The following TAPBPL variants were observed in gnomAD, a reference collection of about 807,000 sequenced individuals.
TAPBPL encodes the protein TAP binding protein like.
In TAPBPL, 32 loss-of-function variants were observed where a neutral mutation model predicts 44.8. That is an observed-to-expected ratio of 0.71 (90% CI 0.54 to 0.96). The LOEUF is 0.96. Among genes scored for constraint, TAPBPL ranks in the 40% least tolerant of loss-of-function variants. TAPBPL has a pLI of 0.00. For synonymous variants in TAPBPL, 230 were observed against 240.7 expected (o/e 0.96, Z 0.41); for missense variants, 520 against 586.6 (o/e 0.89, Z 1.17).
At chr12:6,467,896 T>C (rs993905047), downstream of TAPBPL, among the ~76,000 whole-genome samples, 1 of 152,242 alleles carries the variant, frequency 6.6e-6, no homozygotes, top group Non-Finnish European at 1.5e-5. Context: ...AGCTTCCACA[T>C]GGTGTTGAGC....
At chr12:6,463,306 C>T (rs1283101654), downstream of TAPBPL, 3 of 1,220,052 alleles carry the variant, frequency 2.5e-6, no homozygotes, top group Non-Finnish European at 3.1e-6. The surrounding 1 kb of genome is among the most constrained non-coding windows in gnomAD (Gnocchi z 4.0). Flanking sequence ...ACACCTGACA[C>T]AGGCTGGCAC....
downstream of TAPBPL, chr12:6,463,837 CAAAGT>C (rs1462037843): frequency 3.6e-5 from 44 of 1,232,824 alleles, no homozygotes; most frequent in Admixed American, 8.5e-5. This position sits in a 1 kb window ranked among gnomAD's most constrained non-coding sequence, Gnocchi z 4.0. Flanking sequence ...CTCTGGAGAA[CAAAGT>C]AAAGTTGTAA....
At chr12:6,465,465 T>TAG (rs751399568), downstream of TAPBPL, 8 of 122,624 alleles carry the variant, frequency 6.5e-5, no homozygotes, top group African/African-American at 3.2e-4. Context: ...TGTGTATATA[T>TAG]AGTGTGTGTG....
At position 6,453,251 on chromosome 12, in the gene TAPBPL, G is replaced by A; in HGVS notation, c.249G>A (p.Gly83=). The A allele has an allele frequency of 6.2e-7, 1 of 1,614,042 alleles. No homozygotes were observed. Among genetic ancestry groups the A allele is most frequent in the Non-Finnish European group, 8.5e-7 (1 of 1,179,994 alleles). Residue 83 remains glycine, a synonymous_variant, in exon 2 of 7, where the codon GGG becomes GGA. Coordinates refer to ENST00000266556, the MANE Select transcript of TAPBPL (RefSeq NM_018009.5). This position sits in a 1 kb window ranked among gnomAD's most constrained non-coding sequence, Gnocchi z 4.8. ...GSLEDFTDFQ[G]GTLAQDDPPI... is the part of the protein sequence containing the mutation. ...TGGAGGACTTCACCGATTTCCAAGG[G>A]GGCACACTGGCCCAAGATGACCCAC...
downstream of TAPBPL, chr12:6,465,388 ATATATATATATAAATGTATATATATG>A (rs1320874621): frequency 1.3e-5 from 1 of 75,522 alleles, no homozygotes; most frequent in Non-Finnish European, 2.5e-5. Flanking sequence ...ATATATATGT[ATATATATATATAAATGTATATATATG>A]TATATATATA....
chr12:6,470,258 G>A (rs1252119797), downstream of TAPBPL, among the ~76,000 whole-genome samples: 2 of 151,046 alleles, frequency 1.3e-5, no homozygotes, highest in East Asian at 4.0e-4. Flanking sequence ...ACCAAAACCA[G>A]AATGAGGCGC....
At chr12:6,464,565 T>C, downstream of TAPBPL, 1 of 1,463,890 alleles carries the variant, frequency 6.8e-7, no homozygotes. Flanking sequence ...TACACCAAGT[T>C]ACCAGACATT....
chr12:6,457,151 C>A (rs1308278672), intron 3 of TAPBPL, among the ~76,000 whole-genome samples: 1 of 152,166 alleles, frequency 6.6e-6, no homozygotes, highest in Non-Finnish European at 1.5e-5. Context: ...GTGTATTTTT[C>A]CTGGTGGGAG....
downstream of TAPBPL, chr12:6,470,596 G>C: frequency 6.2e-7 from 1 of 1,606,342 alleles, no homozygotes; most frequent in Non-Finnish European, 8.5e-7. Context: ...CCCGGTGAGG[G>C]ACGCTGCGGC....
At chr12:6,468,278 G>A (rs889630733), downstream of TAPBPL, among the ~76,000 whole-genome samples, 5 of 152,208 alleles carry the variant, frequency 3.3e-5, no homozygotes, top group African/African-American at 1.2e-4. Context: ...TTATATTCAA[G>A]TTATTGGTTA....
chr12:6,469,395 C>T (rs898779492), downstream of TAPBPL, among the ~76,000 whole-genome samples: 2 of 152,338 alleles, frequency 1.3e-5, no homozygotes, highest in Admixed American at 1.3e-4. Context: ...CACGTAGATA[C>T]TATCTGGAAG....
chr12:6,464,506 A>G, downstream of TAPBPL: 1 of 1,492,328 alleles, frequency 6.7e-7, no homozygotes, highest in Non-Finnish European at 8.9e-7. Context: ...GGAATCAGGA[A>G]GTCCCAGACG....
downstream of TAPBPL, chr12:6,465,384 A>ATGTG (rs991256425): frequency 1.3e-5 from 1 of 76,186 alleles, no homozygotes; most frequent in African/African-American, 4.5e-5. Flanking sequence ...ATGTATATAT[A>ATGTG]TGTATATATA....
At chr12:6,460,354 C>T (rs1949819331) in intron 5 of TAPBPL, among the ~76,000 whole-genome samples, 4 of 152,164 alleles carry the variant, frequency 2.6e-5, no homozygotes, top group Admixed American at 2.6e-4. Context: ...CAAACTCTGC[C>T]TCCCAGGCTC....
At chr12:6,458,503 C>T in intron 4 of TAPBPL, 142 bp from the exon 5 acceptor site, 1 of 1,003,824 alleles carries the variant, frequency 1.0e-6, no homozygotes, top group Non-Finnish European at 1.4e-6. Flanking sequence ...GGGCCCCTCA[C>T]ACACCCCCGC....
chr12:6,471,083 T>C (rs2072378), downstream of TAPBPL: 37,426 of 156,510 alleles, frequency 0.24, 5,480 homozygotes, highest in Middle Eastern at 0.35. This position sits in a 1 kb window ranked among gnomAD's most constrained non-coding sequence, Gnocchi z 4.0. Flanking sequence ...GGCGGCGGCT[T>C]CCTGGTGCGC....
At chr12:6,458,262 G>C (rs1230778960) in intron 4 of TAPBPL, among the ~76,000 whole-genome samples, 9 of 152,084 alleles carry the variant, frequency 5.9e-5, no homozygotes, top group Admixed American at 3.9e-4. Flanking sequence ...TGTAGTCCCA[G>C]CTACTCAGGA....
chr12:6,462,695 G>A, downstream of TAPBPL: 7 of 961,280 alleles, frequency 7.3e-6, no homozygotes, highest in Non-Finnish European at 1.1e-5. Flanking sequence ...ATTCGCTCCA[G>A]GCTTGGGACA....
chr12:6,463,412 C>T, downstream of TAPBPL: 6 of 1,057,086 alleles, frequency 5.7e-6, no homozygotes, highest in Non-Finnish European at 6.9e-6. This position sits in a 1 kb window ranked among gnomAD's most constrained non-coding sequence, Gnocchi z 4.0. Context: ...TCATCCCTGT[C>T]TTTGGCAAGT....
Sources: allele counts gnomAD v4.1 joint callset (sites outside exome capture counted in the v4.1 genomes callset), GRCh38; gene constraint gnomAD v4.1.1; non-coding constraint Gnocchi (gnomAD v3.1); transcripts MANE v1.5; gene names NCBI Gene and HGNC (gene_info 2026-07-23, HGNC 2026-07-21).